SLC6A15: variants seen among roughly 807,000 people sequenced by gnomAD.
The protein encoded by SLC6A15 is solute carrier family 6 member 15.
SLC6A15 carries 33 observed loss-of-function variants against 68.5 expected under a neutral mutation model. The ratio of observed to expected loss-of-function variants is 0.48; its 90% CI spans 0.37 to 0.64. The LOEUF (loss-of-function observed/expected upper bound fraction) is 0.64, where lower values mean the gene tolerates loss of function less well. SLC6A15 is among the 30% of genes least tolerant of loss of function. SLC6A15 has a pLI of 0.00. For synonymous variants in SLC6A15, 347 were observed against 301.0 expected (o/e 1.15, Z -1.58); for missense variants, 747 against 874.3 (o/e 0.85, Z 1.84).
chr12:84,884,382 T>G (rs571375629), intron 4 of SLC6A15, among the ~76,000 whole-genome samples: 3 of 152,246 alleles, frequency 2.0e-5, no homozygotes, highest in African/African-American at 7.2e-5. Context: ...CTCGGCTCAC[T>G]GCAACCTCTG....
rs1221810601 is a variant in SLC6A15 at position 84,872,780 on chromosome 12, A to T, written c.1124T>A (p.Ile375Asn). Residue 375 changes from isoleucine to asparagine, a missense_variant, in exon 8 of 12, where the codon ATC becomes AAC. Ile to Asn is a moderately radical substitution (Grantham distance 149, BLOSUM62 -3). Coordinates refer to ENST00000266682, the MANE Select transcript of SLC6A15 (RefSeq NM_182767.6). ...EKCITQNSET[I>N]MKFLKMGNIS... ...GTTCCCCATTTTCAAAAATTTCATG[A>T]TCGTCTCTGAATTTCTGAAAAATAA... 3 of 1,602,788 alleles carry T rather than the reference A, an allele frequency of 1.9e-6. No homozygotes were observed. The South Asian group carries it at 3.4e-5, about 18-fold the overall frequency.
chr12:84,904,460 A>T (rs143362400), intron 1 of SLC6A15, among the ~76,000 whole-genome samples: 1 of 152,206 alleles, frequency 6.6e-6, no homozygotes, highest in Non-Finnish European at 1.5e-5. Flanking sequence ...GTAGCAATAG[A>T]TATCTGAAAC....
chr12:84,861,612 C>A lies in SLC6A15; in HGVS notation c.*20G>T. 1 of 1,570,622 alleles carries A rather than the reference C, an allele frequency of 6.4e-7. No homozygotes were observed. ...ATTGGTAAAAATGAACCAAATAAAA[C>A]CCACTGACTTTTCCCCCAGCTACAA... On this transcript the variant is annotated 3_prime_UTR_variant, in exon 12 of 12. Coordinates refer to ENST00000266682, the MANE Select transcript of SLC6A15 (RefSeq NM_182767.6).
At chr12:84,886,722 A>T (rs1872121905) in intron 2 of SLC6A15, among the ~76,000 whole-genome samples, 1 of 152,172 alleles carries the variant, frequency 6.6e-6, no homozygotes, top group Admixed American at 6.5e-5. Flanking sequence ...AGTCATTAAG[A>T]AATTAAAACA....
chr12:84,881,793 C>A, intron 5 of SLC6A15: 1 of 954,192 alleles, frequency 1.0e-6, no homozygotes, highest in African/African-American at 1.8e-5. Context: ...CAAAGCTTAA[C>A]CTTTAATTCC....
intron 5 of SLC6A15, chr12:84,883,273 A>G (rs566803894): frequency 1.7e-5 from 17 of 985,762 alleles, no homozygotes; most frequent in South Asian, 4.7e-5. Flanking sequence ...TTTTTAAACC[A>G]CAACCATTCT....
At chr12:84,878,207 A>G (rs1218176536) in intron 5 of SLC6A15, among the ~76,000 whole-genome samples, 2 of 152,230 alleles carry the variant, frequency 1.3e-5, no homozygotes, top group Non-Finnish European at 2.9e-5. Context: ...TTAAAAATAA[A>G]TTATATTTTA....
At chr12:84,906,708 C>A (rs529087452) in intron 1 of SLC6A15, among the ~76,000 whole-genome samples, 2 of 152,012 alleles carry the variant, frequency 1.3e-5, no homozygotes, top group African/African-American at 4.8e-5. Flanking sequence ...ACAAATTGTT[C>A]GGGAAATAAT....
In SLC6A15 at chr12:84,876,514, G is replaced by T. The variant is rs1300078660; in HGVS notation, c.850C>A (p.His284Asn). ...GTACATACCTTAGGGGTAAACATGT[G>T]GCGAATGCCATCAATTGAACCATTT... is the stretch of plus-strand genomic sequence containing the variant. Reference protein sequence around the residue: ...LLNGSIDGIRHMFTPKLEIML... With the variant: ...LLNGSIDGIRNMFTPKLEIML... Residue 284 changes from histidine (H) to asparagine (N), a missense_variant, in exon 6 of 12, where the codon CAC becomes AAC. Coordinates refer to ENST00000266682, the MANE Select transcript of SLC6A15 (RefSeq NM_182767.6). 6.3e-7 allele frequency: 1 copy of T among 1,584,394 alleles called. No homozygotes were observed. The highest frequency in any genetic ancestry group is 1.4e-5 in the African/African-American group (1 of 73,818).
intron 1 of SLC6A15, among the ~76,000 whole-genome samples, chr12:84,901,367 T>G (rs1872869106): frequency 6.6e-6 from 1 of 151,802 alleles, no homozygotes; most frequent in South Asian, 2.1e-4. Context: ...CCATTTTATG[T>G]AAGGTGCCAA....
In SLC6A15 at chr12:84,879,266, C is replaced by G. The variant is rs143951296; in HGVS notation, c.757-2659G>C. Among the ~76,000 whole-genome samples the G allele has an allele frequency of 2.4e-4, 37 of 151,986 alleles. 1 individual carries two copies. Among genetic ancestry groups the G allele is most frequent in the Non-Finnish European group, 3.7e-4 (25 of 67,858 alleles). ...TCGAACCCTACTCCAAAATTTACAT[C>G]CCCCGTGAAGCCTTCTTGCAAATCC... On this transcript the variant is annotated intron_variant, in intron 5 of 11. Coordinates refer to ENST00000266682, the MANE Select transcript of SLC6A15 (RefSeq NM_182767.6).
intron 2 of SLC6A15, among the ~76,000 whole-genome samples, chr12:84,887,401 T>C (rs1202182812): frequency 1.3e-5 from 2 of 152,200 alleles, no homozygotes; most frequent in Non-Finnish European, 2.9e-5. Context: ...ATTATTTATC[T>C]CAGCATCTGT....
At chr12:84,876,286 TA>T (rs978372514) in intron 6 of SLC6A15, among the ~76,000 whole-genome samples, 15 of 152,190 alleles carry the variant, frequency 9.9e-5, no homozygotes, top group African/African-American at 3.6e-4. Context: ...AGCCTTACTC[TA>T]AAATCAAAAT....
Position 84,874,330 on chromosome 12 carries a change from A to G in SLC6A15, c.868-1002T>C, listed in dbSNP as rs76706328. Among the ~76,000 whole-genome samples the G allele has an allele frequency of 6.1e-3, 926 of 152,326 alleles. 11 individuals are homozygous for G. The highest frequency in any genetic ancestry group is 0.021 in the African/African-American group (884 of 41,572). On this transcript the variant is annotated intron_variant, in intron 6 of 11. Transcript: ENST00000266682. Reference sequence around the variant, plus strand: ...TGTACCACTTACCACGGTGCCTACCACACTCTAAAAATGCTCAGTAACCGA... The same window carrying G: ...TGTACCACTTACCACGGTGCCTACCGCACTCTAAAAATGCTCAGTAACCGA...
chr12:84,865,932 A>T (rs946896015), intron 10 of SLC6A15, among the ~76,000 whole-genome samples: 1 of 152,038 alleles, frequency 6.6e-6, no homozygotes, highest in Admixed American at 6.6e-5. Context: ...TAAGTTTTCA[A>T]CTCCTTTGGG....
chr12:84,887,698 G>A (rs575175382), intron 2 of SLC6A15, among the ~76,000 whole-genome samples: 3 of 151,732 alleles, frequency 2.0e-5, no homozygotes, highest in South Asian at 2.1e-4. Flanking sequence ...TTATACGCAT[G>A]TGAATGAGTA....
intron 11 of SLC6A15, 59 bp from the exon 12 acceptor site, chr12:84,862,065 A>G (rs1870878070): frequency 6.8e-7 from 1 of 1,467,348 alleles, no homozygotes; most frequent in Non-Finnish European, 9.1e-7. Flanking sequence ...CATACATAAA[A>G]TATTGTACTT....
intron 5 of SLC6A15, chr12:84,882,369 C>T (rs1871859660): frequency 6.1e-6 from 6 of 981,374 alleles, no homozygotes; most frequent in African/African-American, 3.5e-5. Context: ...AATACAATAA[C>T]ATTGCCAAAG....
rs1429013523 is a variant in SLC6A15 at position 84,862,113 on chromosome 12, G to C, written c.1819-107C>G. On this transcript the variant is annotated intron_variant, in intron 11 of 11. Coordinates refer to ENST00000266682, the MANE Select transcript of SLC6A15 (RefSeq NM_182767.6). The stretch of plus-strand genomic sequence containing the variant: ...TAAGCAAAGAATCTGGGCTGGCTTT[G>C]TGACTTGCTTTGACCAATAGAAAGC... 3.3e-6 allele frequency: 4 copies of C among 1,197,964 alleles called. No homozygotes were observed. In the South Asian group the frequency reaches 6.6e-5, roughly 20 times the overall value. The allele number at this position is 1,197,964 out of a possible 1,614,324, so 74.2% of individuals were successfully genotyped here. A position where few individuals can be genotyped will look rare whatever the true frequency, so the allele number is the denominator to read the frequency against.
Sources: gnomAD v4.1 joint callset for allele counts (sites outside exome capture counted in the v4.1 genomes callset) on GRCh38, gnomAD v4.1.1 for gene constraint, MANE v1.5 for transcripts, NCBI Gene and HGNC (gene_info 2026-07-23, HGNC 2026-07-21) for gene names.